WDR45B: variants seen among roughly 807,000 people sequenced by gnomAD.
The protein encoded by WDR45B is WD repeat domain phosphoinositide-interacting protein 3.
WDR45B carries 20 observed loss-of-function variants against 44.6 expected under a neutral mutation model. The observed-to-expected ratio is 0.45, with a 90% CI of 0.32 to 0.65. The LOEUF is 0.65. WDR45B is among the 30% of genes least tolerant of loss of function. WDR45B has a pLI of 0.05. For synonymous variants in WDR45B, 169 were observed against 164.9 expected (o/e 1.02, Z -0.19); for missense variants, 323 against 430.2 (o/e 0.75, Z 2.20).
At chr17:82,639,593 G>C (rs896106374) in intron 2 of WDR45B, among the ~76,000 whole-genome samples, 1 of 152,088 alleles carries the variant, frequency 6.6e-6, no homozygotes, top group Non-Finnish European at 1.5e-5. Flanking sequence ...CTGGCACGCT[G>C]GGTGAGCACA....
At chr17:82,619,405 G>A (rs938942091) in intron 6 of WDR45B, among the ~76,000 whole-genome samples, 8 of 152,088 alleles carry the variant, frequency 5.3e-5, no homozygotes, top group Non-Finnish European at 1.0e-4. Flanking sequence ...GACCCTGGAT[G>A]CCCGCATCCC....
At chr17:82,616,132 G>A in intron 9 of WDR45B, 107 bp from the exon 10 acceptor site, 1 of 1,096,586 alleles carries the variant, frequency 9.1e-7, no homozygotes, top group Non-Finnish European at 1.3e-6. Context: ...CCAGGCAGCT[G>A]CTCTGAAAGC....
At chr17:82,633,645 T>C (rs1348238712) in intron 2 of WDR45B, among the ~76,000 whole-genome samples, 2 of 152,158 alleles carry the variant, frequency 1.3e-5, no homozygotes, top group Non-Finnish European at 2.9e-5. Flanking sequence ...CTGGCCAAGA[T>C]ATGAAGCTAT....
intron 2 of WDR45B, among the ~76,000 whole-genome samples, chr17:82,640,866 G>C (rs1356744272): frequency 2.6e-5 from 4 of 152,118 alleles, no homozygotes; most frequent in African/African-American, 9.7e-5. Context: ...AGACACAGCC[G>C]AGCTGGCAGA....
intron 3 of WDR45B, chr17:82,629,948 C>T (rs1376679513): frequency 5.1e-6 from 5 of 985,238 alleles, no homozygotes; most frequent in African/African-American, 3.5e-5. Flanking sequence ...CTCACTGAGC[C>T]TCTCCTTCCC....
At chr17:82,623,613 G>A (rs1464485480) in intron 5 of WDR45B, among the ~76,000 whole-genome samples, 1 of 151,222 alleles carries the variant, frequency 6.6e-6, no homozygotes, top group Non-Finnish European at 1.5e-5. Context: ...TGGGAGAACT[G>A]CTTGAACCTG....
At chr17:82,631,404 C>T (rs9748041) in intron 2 of WDR45B, among the ~76,000 whole-genome samples, 20,166 of 147,874 alleles carry the variant, frequency 0.14, 1,739 homozygotes, top group East Asian at 0.26. Flanking sequence ...CTGCCTCAGC[C>T]TCCCCAGGTA....
intron 2 of WDR45B, among the ~76,000 whole-genome samples, chr17:82,634,833 C>G (rs1368564727): frequency 6.6e-6 from 1 of 152,050 alleles, no homozygotes; most frequent in Non-Finnish European, 1.5e-5. Flanking sequence ...TCTGAAAACA[C>G]TGGGATTACA....
At chr17:82,616,911 G>A (rs1376808575) in intron 8 of WDR45B, among the ~76,000 whole-genome samples, 3 of 152,072 alleles carry the variant, frequency 2.0e-5, no homozygotes, top group East Asian at 1.9e-4. Flanking sequence ...TCCACCTCCC[G>A]GCTTCAAGCG....
At chr17:82,635,333 C>T (rs922354836) in intron 2 of WDR45B, among the ~76,000 whole-genome samples, 1 of 151,692 alleles carries the variant, frequency 6.6e-6, no homozygotes, top group African/African-American at 2.4e-5. Flanking sequence ...CACTATTTAA[C>T]CGAGAGACAA....
chr17:82,621,841 T>C (rs756307550), intron 5 of WDR45B, 42 bp from the exon 6 acceptor site: 2 of 1,608,280 alleles, frequency 1.2e-6, no homozygotes, highest in Admixed American at 1.7e-5. Flanking sequence ...CTGCCTTTGA[T>C]TTCTCACAGC....
chr17:82,622,429 C>A (rs548533612), intron 5 of WDR45B, among the ~76,000 whole-genome samples: 1 of 152,194 alleles, frequency 6.6e-6, no homozygotes, highest in Non-Finnish European at 1.5e-5. Context: ...ACTGGAACAG[C>A]CCAAATTTTT....
At chr17:82,616,758 G>C in intron 8 of WDR45B, 113 bp from the exon 9 acceptor site, 1 of 1,384,166 alleles carries the variant, frequency 7.2e-7, no homozygotes, top group Non-Finnish European at 1.0e-6. Flanking sequence ...TATGGTTTGA[G>C]CTTTAATGAA....
chr17:82,626,959 A>G lies in WDR45B; in HGVS notation c.332+245T>C, dbSNP rs1056526779. ...CACGGTGAGACCCACTGGCTGGTCC[A>G]CTGTGGCGCACGTCATCCACGCCAC... On this transcript the variant is annotated intron_variant, in intron 4 of 9. Transcript: ENST00000392325. 1.4e-5 allele frequency: 8 copies of G among 552,326 alleles called. No homozygotes were observed. The African/African-American group carries it at 1.5e-4, about 10-fold the overall frequency. 34.2% of individuals were successfully genotyped at this position (552,326 alleles called of 1,614,324 possible).
chr17:82,645,539 G>C (rs1459417278), intron 1 of WDR45B, among the ~76,000 whole-genome samples: 2 of 152,030 alleles, frequency 1.3e-5, no homozygotes, highest in African/African-American at 4.8e-5. Context: ...GCTGGGTGTA[G>C]AGCCATGGGA....
At chr17:82,623,528 C>A (rs569888916) in intron 5 of WDR45B, among the ~76,000 whole-genome samples, 1 of 151,734 alleles carries the variant, frequency 6.6e-6, no homozygotes, top group Non-Finnish European at 1.5e-5. Flanking sequence ...GGTAAAACCC[C>A]GTCTCTACTA....
chr17:82,633,542 G>A (rs2045796129), intron 2 of WDR45B, among the ~76,000 whole-genome samples: 1 of 151,526 alleles, frequency 6.6e-6, no homozygotes, highest in Admixed American at 6.6e-5. Context: ...TTCTTTTTTT[G>A]AGACAGTGTT....
intron 6 of WDR45B, among the ~76,000 whole-genome samples, chr17:82,620,171 C>T (rs1365519408): frequency 3.3e-5 from 5 of 152,222 alleles, no homozygotes; most frequent in African/African-American, 7.2e-5. Flanking sequence ...CGGTGGCTCA[C>T]GCCTGTAATC....
At chr17:82,628,928 A>C (rs1421037642) in intron 3 of WDR45B, among the ~76,000 whole-genome samples, 1 of 151,996 alleles carries the variant, frequency 6.6e-6, no homozygotes, top group African/African-American at 2.4e-5. Flanking sequence ...GAGCCTGGGG[A>C]GGTAGAAGCT....
Sources: allele counts gnomAD v4.1 joint callset (sites outside exome capture counted in the v4.1 genomes callset), GRCh38; gene constraint gnomAD v4.1.1; transcripts MANE v1.5; gene names NCBI Gene and HGNC (gene_info 2026-07-23, HGNC 2026-07-21).